Variants in KLHDC4 observed in about 807,000 individuals in gnomAD.
The protein encoded by KLHDC4 is kelch domain containing 4.
In KLHDC4, 90 loss-of-function variants were observed where a neutral mutation model predicts 62.4. That is an observed-to-expected ratio of 1.44 (90% CI 1.22 to 1.72). KLHDC4 has a LOEUF of 1.72. Among genes scored for constraint, KLHDC4 ranks in the 40% most tolerant of loss-of-function variants. The pLI, the probability that KLHDC4 is intolerant of heterozygous loss-of-function variation, is 0.00. For synonymous variants in KLHDC4, 386 were observed against 284.4 expected, an observed-to-expected ratio of 1.36 and a Z score of -3.59; for missense variants, 1,025 against 699.7, an observed-to-expected ratio of 1.47 and a Z score of -5.25.
At chr16:87,752,280 T>C (rs765096294) in intron 4 of KLHDC4, among the ~76,000 whole-genome samples, 1 of 146,230 alleles carries the variant, frequency 6.8e-6, no homozygotes, top group South Asian at 2.1e-4. Context: ...AAGAAAAAAA[T>C]GAAGTCAAAC....
exon 1 of KLHDC4, chr16:87,701,742 C>T (rs763550073): frequency 1.3e-4 from 59 of 456,658 alleles, no homozygotes; most frequent in African/African-American, 1.1e-3. Flanking sequence ...AGGCCTATGC[C>T]GCCCGCCCGT....
chr16:87,763,324 TG>T lies in KLHDC4; in HGVS notation c.100-1285del, dbSNP rs568387515. 1.1e-3 allele frequency among the ~76,000 whole-genome samples: 162 copies of T among 152,360 alleles called. 1 individual carries two copies. Among genetic ancestry groups the T allele is most frequent in the African/African-American group, 3.8e-3 (156 of 41,588 alleles). On this transcript the variant is annotated intron_variant, in intron 1 of 11. Transcript: ENST00000270583. Reference sequence around the variant, plus strand: ...CATTTTTAAATGTCATTAAATGGACTGGGCACAGTGGCTCACGCCTGTAATC... The same window carrying T: ...CATTTTTAAATGTCATTAAATGGACTGGCACAGTGGCTCACGCCTGTAATC...
At chr16:87,744,986 C>CGT (rs1567782836) in intron 5 of KLHDC4, among the ~76,000 whole-genome samples, 69 of 86,766 alleles carry the variant, frequency 8.0e-4, no homozygotes, top group African/African-American at 4.5e-3. Context: ...TCTGCACACA[C>CGT]GCGGTGCACA....
chr16:87,745,469 C>A (rs1170057837), intron 5 of KLHDC4, among the ~76,000 whole-genome samples: 1 of 152,260 alleles, frequency 6.6e-6, no homozygotes, highest in African/African-American at 2.4e-5. Flanking sequence ...TTCTCCCCAC[C>A]AGTCACCATT....
chr16:87,704,238 T>A (rs565074250), downstream of KLHDC4, among the ~76,000 whole-genome samples: 12 of 147,324 alleles, frequency 8.1e-5, no homozygotes, highest in Non-Finnish European at 1.7e-4. Context: ...GAGGCGCCTG[T>A]GGAGAGCCCT....
chr16:87,763,807 G>A (rs2046222842), intron 1 of KLHDC4, among the ~76,000 whole-genome samples: 1 of 152,170 alleles, frequency 6.6e-6, no homozygotes, highest in Non-Finnish European at 1.5e-5. Context: ...AGAGCAAGGT[G>A]GTAGGGTCTG....
intron 4 of KLHDC4, 143 bp from the exon 5 acceptor site, chr16:87,748,952 C>T: frequency 2.2e-6 from 2 of 922,472 alleles, no homozygotes; most frequent in Non-Finnish European, 1.5e-6. Context: ...ACTTTCCTCT[C>T]CTGCCTCTAA....
intron 7 of KLHDC4, among the ~76,000 whole-genome samples, chr16:87,722,291 T>C (rs1044908710): frequency 6.6e-6 from 1 of 152,138 alleles, no homozygotes; most frequent in African/African-American, 2.4e-5. Context: ...GGAGGGTGTT[T>C]AAAGTCCTCC....
intron 10 of KLHDC4, 175 bp from the exon 11 acceptor site, chr16:87,708,641 T>A (rs2035135053): frequency 2.3e-6 from 1 of 436,506 alleles, no homozygotes; most frequent in Non-Finnish European, 4.0e-6. Flanking sequence ...CAGACTGCGT[T>A]CCCCTGGGCT....
At position 87,709,500 on chromosome 16, in the gene KLHDC4, C is replaced by A; in HGVS notation, c.1212G>T (p.Ala404=). ...TVVTIKQVLT[A]PGSAGQPRSE... is the part of the protein sequence containing the mutation. The stretch of plus-strand genomic sequence containing the variant: ...ACCGGGGCTGCCCCGCCGAGCCTGG[C>A]GCGGTGAGCACCTGCTTAATGGTGA... Residue 404 remains alanine (A), a synonymous_variant, in exon 10 of 12, where the codon GCG becomes GCT. Transcript: ENST00000270583. 6.2e-7 allele frequency: 1 copy of A among 1,612,016 alleles called. No homozygotes were observed. Among genetic ancestry groups the A allele is most frequent in the East Asian group, 2.2e-5 (1 of 44,878 alleles).
At chr16:87,702,424 C>A (rs1033706721) in exon 1 of KLHDC4, 3 of 370,188 alleles carry the variant, frequency 8.1e-6, no homozygotes, top group Admixed American at 3.6e-5. Context: ...CCTGGGAACC[C>A]CCGGCTTTCT....
Position 87,761,988 on chromosome 16 carries a change from G to C in KLHDC4, c.152C>G (p.Thr51Ser). 1.2e-6 allele frequency: 2 copies of C among 1,614,010 alleles called. No individual in the cohort carries two copies. Among genetic ancestry groups the C allele is most frequent in the Non-Finnish European group, 1.7e-6 (2 of 1,179,970 alleles). ...GGGGCACGGAAGTTCCACAGTCTGAGTCCTCTTGGCATCGAGTGTCTGGAA... is the reference window on the plus strand; with the variant it reads ...GGGGCACGGAAGTTCCACAGTCTGACTCCTCTTGGCATCGAGTGTCTGGAA... ...AHFQTLDAKRTQTVELPCPPP... is the reference protein window; with the variant it reads ...AHFQTLDAKRSQTVELPCPPP... The change falls in exon 2 of 12, where the codon ACT (threonine) becomes AGT (serine). Residue 51 changes from threonine (T) to serine (S), a missense_variant. Transcript: ENST00000270583.
intron 5 of KLHDC4, among the ~76,000 whole-genome samples, chr16:87,738,039 G>A (rs2041636563): frequency 6.6e-6 from 1 of 152,156 alleles, no homozygotes. Flanking sequence ...GCTGTTTGCT[G>A]TCGATAGACC....
chr16:87,715,369 T>A (rs117232010), intron 7 of KLHDC4, among the ~76,000 whole-genome samples: 2,027 of 152,166 alleles, frequency 0.013, 29 homozygotes, highest in Non-Finnish European at 0.021. Context: ...ATGAATACCT[T>A]CCTCTCCTTG....
At chr16:87,765,553 G>C (rs1485365608) in intron 1 of KLHDC4, among the ~76,000 whole-genome samples, 1 of 152,076 alleles carries the variant, frequency 6.6e-6, no homozygotes. Context: ...ACTAAGAAAA[G>C]CAAGCACGTT....
chr16:87,754,516 G>A (rs2044542695), intron 4 of KLHDC4, among the ~76,000 whole-genome samples: 1 of 152,200 alleles, frequency 6.6e-6, no homozygotes, highest in African/African-American at 2.4e-5. Flanking sequence ...AGCAAAGGGG[G>A]AAGGAAATAT....
At position 87,761,974 on chromosome 16, in the gene KLHDC4, G is replaced by A. The variant is rs2303772; in HGVS notation, c.166C>T (p.Leu56Phe). Residue 56 changes from leucine to phenylalanine, a missense_variant, in exon 2 of 12, where the codon CTT becomes TTT. Leu to Phe is a conservative substitution (Grantham distance 22). Transcript: ENST00000270583. ...CTTGGTGAGGGTGGGGGGCACGGAA[G>A]TTCCACAGTCTGAGTCCTCTTGGCA... Reference protein sequence around the residue: ...LDAKRTQTVELPCPPPSPRLN... With the variant: ...LDAKRTQTVEFPCPPPSPRLN... 4.3e-6 allele frequency: 7 copies of A among 1,613,800 alleles called. No individual in the cohort carries two copies. Among genetic ancestry groups the A allele is most frequent in the South Asian group, 1.1e-5 (1 of 91,024 alleles).
At chr16:87,765,260 G>C (rs2046467510) in intron 1 of KLHDC4, 1 of 455,968 alleles carries the variant, frequency 2.2e-6, no homozygotes, top group African/African-American at 2.0e-5. Context: ...GCTGCTACGG[G>C]ATACCCCGTG....
At chr16:87,727,786 T>A (rs1362540485) in intron 6 of KLHDC4, among the ~76,000 whole-genome samples, 1 of 152,194 alleles carries the variant, frequency 6.6e-6, no homozygotes, top group Non-Finnish European at 1.5e-5. Context: ...AGCAAGCAGC[T>A]CTAGCCCAAG....
Sources: gnomAD v4.1 joint callset for allele counts (sites outside exome capture counted in the v4.1 genomes callset) on GRCh38, gnomAD v4.1.1 for gene constraint, MANE v1.5 for transcripts, NCBI Gene and HGNC (gene_info 2026-07-23, HGNC 2026-07-21) for gene names.